KIF6: variants seen among roughly 807,000 people sequenced by gnomAD.
KIF6 encodes the protein kinesin family member 6.
Under a neutral mutation model 112.7 loss-of-function variants are expected in KIF6, and 106 were observed. That is an observed-to-expected ratio of 0.94 (90% CI 0.80 to 1.11). KIF6 has a LOEUF of 1.11. KIF6 is among the 50% of genes least tolerant of loss of function. The pLI is 0.00. For synonymous variants in KIF6, 339 were observed against 339.9 expected, an observed-to-expected ratio of 1.00 and a Z score of 0.03; for missense variants, 929 against 964.0, an observed-to-expected ratio of 0.96 and a Z score of 0.48.
intron 22 of KIF6, among the ~76,000 whole-genome samples, chr6:39,338,675 T>G (rs1323414621): frequency 1.3e-5 from 2 of 152,170 alleles, no homozygotes; most frequent in African/African-American, 2.4e-5. Flanking sequence ...TCAGGATCAC[T>G]GGGGTGGGTC....
At chr6:39,512,088 T>C (rs1051164426) in intron 13 of KIF6, among the ~76,000 whole-genome samples, 1 of 152,134 alleles carries the variant, frequency 6.6e-6, no homozygotes, top group African/African-American at 2.4e-5. Flanking sequence ...GAACTTAAAG[T>C]ATGATTAAAA....
chr6:39,473,181 C>T (rs1056814707), intron 13 of KIF6, among the ~76,000 whole-genome samples: 5 of 150,630 alleles, frequency 3.3e-5, no homozygotes, highest in Non-Finnish European at 7.4e-5. Flanking sequence ...CCACAGCACC[C>T]GGTCAAAAAA....
At chr6:39,612,162 T>A (rs1783250021) in intron 6 of KIF6, among the ~76,000 whole-genome samples, 1 of 152,212 alleles carries the variant, frequency 6.6e-6, no homozygotes, top group Non-Finnish European at 1.5e-5. Flanking sequence ...CATTGGTCTA[T>A]CTTGCGTCTA....
intron 10 of KIF6, among the ~76,000 whole-genome samples, chr6:39,549,419 CTAT>C (rs1200843486): frequency 6.6e-6 from 1 of 152,278 alleles, no homozygotes; most frequent in East Asian, 1.9e-4. Context: ...GAGAAAAGTG[CTAT>C]TATTATCCCC....
intron 3 of KIF6, among the ~76,000 whole-genome samples, chr6:39,685,864 T>A (rs1414362619): frequency 6.6e-6 from 1 of 152,226 alleles, no homozygotes; most frequent in African/African-American, 2.4e-5. Context: ...CTACTCCTAT[T>A]TTCCCCTCTG....
intron 13 of KIF6, among the ~76,000 whole-genome samples, chr6:39,492,876 A>G (rs1775552817): frequency 6.6e-6 from 1 of 152,196 alleles, no homozygotes; most frequent in Non-Finnish European, 1.5e-5. Context: ...AGAAAAAAAT[A>G]TAGTCAAAAA....
intron 13 of KIF6, among the ~76,000 whole-genome samples, chr6:39,432,842 T>C (rs1173917215): frequency 1.3e-5 from 2 of 152,100 alleles, no homozygotes; most frequent in African/African-American, 4.8e-5. Flanking sequence ...GTAGAGGGCA[T>C]GAGACTTTGG....
At chr6:39,467,811 G>A (rs904911483) in intron 13 of KIF6, among the ~76,000 whole-genome samples, 1 of 152,206 alleles carries the variant, frequency 6.6e-6, no homozygotes, top group African/African-American at 2.4e-5. Context: ...AACTGCCTAT[G>A]AAAGGGCATA....
intron 22 of KIF6, among the ~76,000 whole-genome samples, chr6:39,339,268 A>G (rs190344006): frequency 1.2e-4 from 18 of 152,170 alleles, no homozygotes; most frequent in Admixed American, 1.1e-3. Context: ...TTGATAAGGG[A>G]CTTTAATGGA....
chr6:39,498,838 G>C (rs992217002), intron 13 of KIF6, among the ~76,000 whole-genome samples: 1 of 152,086 alleles, frequency 6.6e-6, no homozygotes, highest in Non-Finnish European at 1.5e-5. Context: ...TTTGACTAGC[G>C]TACTTACTGA....
intron 6 of KIF6, among the ~76,000 whole-genome samples, chr6:39,598,612 T>C (rs952840816): frequency 6.6e-6 from 1 of 151,968 alleles, no homozygotes. Flanking sequence ...TGTGTATCTA[T>C]ATATCTATAT....
chr6:39,607,427 T>C (rs1435182762), intron 6 of KIF6, among the ~76,000 whole-genome samples: 1 of 152,132 alleles, frequency 6.6e-6, no homozygotes, highest in African/African-American at 2.4e-5. Flanking sequence ...AAGAAAGAAA[T>C]GCTTGTCATA....
At chr6:39,344,694 G>C (rs750032720) in intron 21 of KIF6, among the ~76,000 whole-genome samples, 2 of 151,906 alleles carry the variant, frequency 1.3e-5, no homozygotes, top group Non-Finnish European at 2.9e-5. Context: ...CTTAACCTGG[G>C]GCCCATCAAC....
At chr6:39,496,663 C>T (rs1309877982) in intron 13 of KIF6, among the ~76,000 whole-genome samples, 1 of 152,144 alleles carries the variant, frequency 6.6e-6, no homozygotes, top group African/African-American at 2.4e-5. Context: ...ATCCCCATTA[C>T]ACTCAATGTC....
At chr6:39,654,288 C>G (rs1275290803) in intron 3 of KIF6, among the ~76,000 whole-genome samples, 1 of 152,172 alleles carries the variant, frequency 6.6e-6, no homozygotes, top group Non-Finnish European at 1.5e-5. Flanking sequence ...TCTCTCCACT[C>G]TCAGCCTCCA....
chr6:39,653,429 G>T (rs1037986095), intron 3 of KIF6, among the ~76,000 whole-genome samples: 3 of 152,126 alleles, frequency 2.0e-5, no homozygotes, highest in Non-Finnish European at 4.4e-5. Flanking sequence ...ATCTTTTTAA[G>T]GTTTTCCTCC....
chr6:39,346,063 TCTCTCTCTCTCTCTCTCTCTCTCCCCC>T (rs1763703988), intron 20 of KIF6, among the ~76,000 whole-genome samples: 1 of 16,802 alleles, frequency 6.0e-5, no homozygotes, highest in African/African-American at 6.1e-4. Context: ...TCTCTCTCTC[TCTCTCTCTCTCTCTCTCTCTCTCCCCC>T]CCCTCTCCCT....
chr6:39,716,325 A>C (rs1789849489), intron 2 of KIF6, among the ~76,000 whole-genome samples: 1 of 125,756 alleles, frequency 8.0e-6, no homozygotes. Context: ...GGGGAAAATG[A>C]CATCCTCCAC....
intron 3 of KIF6, among the ~76,000 whole-genome samples, chr6:39,703,971 T>C (rs977582307): frequency 5.9e-5 from 9 of 152,230 alleles, no homozygotes; most frequent in Non-Finnish European, 8.8e-5. Context: ...ACTAGAAATA[T>C]CTTTGGTTTA....
Sources: gnomAD v4.1 joint callset for allele counts (sites outside exome capture counted in the v4.1 genomes callset) on GRCh38, gnomAD v4.1.1 for gene constraint, MANE v1.5 for transcripts, NCBI Gene and HGNC (gene_info 2026-07-23, HGNC 2026-07-21) for gene names.